The following POU6F2 variants were observed in gnomAD, a reference collection of about 807,000 sequenced individuals.
The protein encoded by POU6F2 is POU class 6 homeobox 2, also known as POU domain, class 6, transcription factor 2.
A neutral mutation model predicts 71.3 loss-of-function variants in POU6F2; 31 were observed. The ratio of observed to expected loss-of-function variants is 0.43; its 90% CI spans 0.33 to 0.59. The LOEUF (loss-of-function observed/expected upper bound fraction) is 0.59. POU6F2 is among the 20% of genes least tolerant of loss of function. The pLI is 0.04. For synonymous variants in POU6F2, 347 were observed against 355.7 expected, an observed-to-expected ratio of 0.98 and a Z score of 0.27; for missense variants, 783 against 856.8, an observed-to-expected ratio of 0.91 and a Z score of 1.07.
chr7:38,986,608 G>C (rs988243664), intron 1 of POU6F2, among the ~76,000 whole-genome samples: 1 of 152,116 alleles, frequency 6.6e-6, no homozygotes, highest in African/African-American at 2.4e-5. Flanking sequence ...TTATATGCAC[G>C]TGATTGAAGT....
At chr7:39,330,768 T>G (rs1785627659) in intron 4 of POU6F2, among the ~76,000 whole-genome samples, 1 of 152,260 alleles carries the variant, frequency 6.6e-6, no homozygotes, top group African/African-American at 2.4e-5. Flanking sequence ...TGCATATCTA[T>G]GTTGTATTCA....
intron 4 of POU6F2, among the ~76,000 whole-genome samples, chr7:39,320,744 G>A (rs1052150610): frequency 2.0e-5 from 3 of 152,154 alleles, no homozygotes; most frequent in Non-Finnish European, 2.9e-5. Flanking sequence ...ATTAGGCATA[G>A]TAAGGGGTTA....
chr7:39,189,387 T>TTTGC (rs1194657068), intron 2 of POU6F2, among the ~76,000 whole-genome samples: 1 of 151,854 alleles, frequency 6.6e-6, no homozygotes, highest in Non-Finnish European at 1.5e-5. Flanking sequence ...TGTTTGTTTG[T>TTTGC]TTGTTTGTTT....
At chr7:39,407,646 T>C (rs1787464041) in intron 6 of POU6F2, among the ~76,000 whole-genome samples, 1 of 151,946 alleles carries the variant, frequency 6.6e-6, no homozygotes, top group Admixed American at 6.6e-5. Flanking sequence ...CCCCCAGCCT[T>C]ATCTATTTGC....
At chr7:39,429,147 C>A (rs571471229) in intron 6 of POU6F2, among the ~76,000 whole-genome samples, 5 of 152,098 alleles carry the variant, frequency 3.3e-5, no homozygotes, top group Admixed American at 6.5e-5. Context: ...TCATCGGAAC[C>A]CCTTGGCTGG....
chr7:39,158,884 G>T (rs1013436543), intron 2 of POU6F2, among the ~76,000 whole-genome samples: 7 of 152,088 alleles, frequency 4.6e-5, no homozygotes, highest in African/African-American at 1.2e-4. Flanking sequence ...AAAATTAACC[G>T]TTGCAGGCTG....
At chr7:39,209,398 A>G (rs1265801599) in intron 4 of POU6F2, among the ~76,000 whole-genome samples, 1 of 152,196 alleles carries the variant, frequency 6.6e-6, no homozygotes, top group East Asian at 1.9e-4. Flanking sequence ...TTGACGCCCA[A>G]GCTCTTGTCT....
intron 2 of POU6F2, among the ~76,000 whole-genome samples, chr7:39,177,559 A>T (rs1316567730): frequency 6.6e-6 from 1 of 152,256 alleles, no homozygotes; most frequent in Non-Finnish European, 1.5e-5. Context: ...GTTGCATTTC[A>T]TCTACATTGC....
At chr7:39,146,742 A>T (rs1016346151) in intron 2 of POU6F2, among the ~76,000 whole-genome samples, 3 of 152,264 alleles carry the variant, frequency 2.0e-5, no homozygotes, top group Non-Finnish European at 4.4e-5. Flanking sequence ...TTTATTTCTG[A>T]TTCTCATCGA....
rs561282838 is a variant in POU6F2, at chr7:39,020,971, A to T, written c.105+42913A>T. ...TCAATTTTTCCTTATCATTTTTTTTAAAATGTTCTTTTAAACAGTCTCTGG... is the reference window on the plus strand; with the variant it reads ...TCAATTTTTCCTTATCATTTTTTTTTAAATGTTCTTTTAAACAGTCTCTGG... On this transcript the variant is annotated intron_variant, in intron 1 of 9. Coordinates refer to ENST00000518318, the MANE Select transcript of POU6F2 (RefSeq NM_001370959.1). Among the ~76,000 whole-genome samples the T allele has an allele frequency of 3.2e-3, 489 of 151,646 alleles. 3 individuals carry two copies. The highest frequency in any genetic ancestry group is 4.7e-3 in the Non-Finnish European group (317 of 67,830).
intron 1 of POU6F2, among the ~76,000 whole-genome samples, chr7:39,065,701 T>C (rs1017138862): frequency 1.3e-5 from 2 of 151,596 alleles, no homozygotes; most frequent in African/African-American, 2.4e-5. Flanking sequence ...ATCTTGTATA[T>C]AGATGAATTT....
intron 4 of POU6F2, among the ~76,000 whole-genome samples, chr7:39,223,767 A>G (rs1478888367): frequency 6.6e-6 from 1 of 152,176 alleles, no homozygotes; most frequent in Non-Finnish European, 1.5e-5. Flanking sequence ...GCTTTAGCCT[A>G]GTGGGAGCTA....
intron 4 of POU6F2, among the ~76,000 whole-genome samples, chr7:39,213,305 A>G (rs1290933486): frequency 6.6e-6 from 1 of 152,182 alleles, no homozygotes; most frequent in East Asian, 1.9e-4. Context: ...GACTCCCCAA[A>G]TTAAAGCCTG....
At chr7:39,051,006 T>C (rs1472218202) in intron 1 of POU6F2, among the ~76,000 whole-genome samples, 1 of 152,124 alleles carries the variant, frequency 6.6e-6, no homozygotes, top group African/African-American at 2.4e-5. Flanking sequence ...CATTCGCCTC[T>C]TTTTTTGTTT....
intron 1 of POU6F2, among the ~76,000 whole-genome samples, chr7:39,011,561 T>G (rs1789284613): frequency 6.9e-6 from 1 of 145,354 alleles, no homozygotes; most frequent in South Asian, 2.4e-4. Flanking sequence ...TTTGATCCTG[T>G]CATTATGATG....
In POU6F2 at chr7:39,167,525, C is replaced by T. The variant is rs2128738189; in HGVS notation, c.278-36710C>T. Among the ~76,000 whole-genome samples, 3 of 152,210 alleles carry T rather than the reference C, an allele frequency of 2.0e-5. 1 individual carries two copies. In the South Asian group the frequency reaches 6.2e-4, roughly 32 times the overall value. ...GTGACTATTACTACCAGAAGGTCAT[C>T]CAGAAATGGAATTCCTGGGTATCAT... On this transcript the variant is annotated intron_variant, in intron 2 of 9. Coordinates refer to ENST00000518318, the MANE Select transcript of POU6F2 (RefSeq NM_001370959.1).
intron 4 of POU6F2, among the ~76,000 whole-genome samples, chr7:39,297,237 A>ACACACACC (rs398004472): frequency 6.7e-6 from 1 of 149,466 alleles, no homozygotes; most frequent in Non-Finnish European, 1.5e-5. Context: ...ACACACACAC[A>ACACACACC]TGAATTCACA....
chr7:39,176,877 G>T (rs1342628162), intron 2 of POU6F2, among the ~76,000 whole-genome samples: 1 of 152,134 alleles, frequency 6.6e-6, no homozygotes, highest in East Asian at 1.9e-4. Context: ...ACAAGTTGAT[G>T]CCTACCAAAA....
At chr7:39,412,472 A>G (rs959135292) in intron 6 of POU6F2, among the ~76,000 whole-genome samples, 26 of 152,210 alleles carry the variant, frequency 1.7e-4, no homozygotes, top group African/African-American at 6.3e-4. Flanking sequence ...GTTTTATTAG[A>G]TCTGCCAAAA....
Sources: gnomAD v4.1 joint callset for allele counts (sites outside exome capture counted in the v4.1 genomes callset) on GRCh38, gnomAD v4.1.1 for gene constraint, MANE v1.5 for transcripts, NCBI Gene and HGNC (gene_info 2026-07-23, HGNC 2026-07-21) for gene names.